The following DIP2B variants were observed in gnomAD, a reference collection of about 807,000 sequenced individuals.
DIP2B encodes the protein disco-interacting protein 2 homolog B.
A neutral mutation model predicts 198.0 loss-of-function variants in DIP2B; 76 were observed. The observed-to-expected ratio is 0.38, with a 90% CI of 0.32 to 0.46. DIP2B has a LOEUF of 0.46. DIP2B is among the 20% of genes least tolerant of loss of function. DIP2B has a pLI of 0.99. For missense variants in DIP2B, 1,559 were observed against 1,978.4 expected, an observed-to-expected ratio of 0.79 and a Z score of 4.02; for synonymous variants, 701 against 739.1, an observed-to-expected ratio of 0.95 and a Z score of 0.84.
intron 1 of DIP2B, among the ~76,000 whole-genome samples, chr12:50,552,850 G>A (rs1958438567): frequency 6.6e-6 from 1 of 151,768 alleles, no homozygotes; most frequent in Non-Finnish European, 1.5e-5. Flanking sequence ...AATCTATTTT[G>A]AGTTATTTTA....
chr12:50,517,517 C>G (rs1369181709), intron 1 of DIP2B, among the ~76,000 whole-genome samples: 1 of 152,116 alleles, frequency 6.6e-6, no homozygotes, highest in Non-Finnish European at 1.5e-5. Context: ...GTCTCTTCTC[C>G]CTTCAGTAGG....
At chr12:50,612,427 T>A (rs1317341868) in intron 1 of DIP2B, among the ~76,000 whole-genome samples, 1 of 145,794 alleles carries the variant, frequency 6.9e-6, no homozygotes, top group Admixed American at 7.2e-5. Flanking sequence ...TTTTTCATAA[T>A]AACTTTTTTT....
chr12:50,737,099 C>A lies in DIP2B; in HGVS notation c.4165C>A (p.His1389Asn), dbSNP rs368409347. 1.4e-5 allele frequency: 23 copies of A among 1,613,830 alleles called. No homozygotes were observed. Among genetic ancestry groups the A allele is most frequent in the Non-Finnish European group, 1.8e-5 (21 of 1,179,932 alleles). The part of the protein sequence containing the change: ...PETKGPVGDS[H>N]LGEIWVNSPH... Reference sequence around the variant, plus strand: ...GACCAAAGGGCCGGTTGGAGACTCTCACCTTGGAGAGGTTTGTAATAATTT... The same window carrying A: ...GACCAAAGGGCCGGTTGGAGACTCTAACCTTGGAGAGGTTTGTAATAATTT... The change falls in exon 35 of 38, where the codon CAC (histidine) becomes AAC (asparagine). Residue 1389 changes from histidine to asparagine, a missense_variant. Physicochemically the swap from His to Asn is moderately conservative, Grantham distance 68. Coordinates refer to ENST00000301180, the MANE Select transcript of DIP2B (RefSeq NM_173602.3).
chr12:50,648,954 C>CATAT (rs1271276078), intron 3 of DIP2B, among the ~76,000 whole-genome samples: 2 of 152,036 alleles, frequency 1.3e-5, no homozygotes, highest in African/African-American at 4.8e-5. Context: ...ACAACCTTAA[C>CATAT]ATATGCAAAT....
At chr12:50,714,265 A>T in intron 22 of DIP2B, 130 bp from the exon 23 acceptor site, 4 of 874,704 alleles carry the variant, frequency 4.6e-6, no homozygotes, top group South Asian at 3.4e-5. Context: ...AATCTTAGTG[A>T]TCTGCCAGAT....
intron 1 of DIP2B, among the ~76,000 whole-genome samples, chr12:50,540,910 C>T (rs530438428): frequency 3.3e-5 from 5 of 152,096 alleles, no homozygotes; most frequent in African/African-American, 1.2e-4. Context: ...TTTAAGATGC[C>T]TATATAGCAG....
chr12:50,741,372 C>T, intron 36 of DIP2B, 44 bp from the exon 37 acceptor site: 4 of 1,598,748 alleles, frequency 2.5e-6, no homozygotes, highest in Non-Finnish European at 3.4e-6. Flanking sequence ...ATGTTGCACT[C>T]AGTATATGTC....
intron 1 of DIP2B, among the ~76,000 whole-genome samples, chr12:50,521,489 C>CTTTTTTTTTTTTT (rs35971707): frequency 1.0e-5 from 1 of 98,246 alleles, no homozygotes; most frequent in South Asian, 3.4e-4. Flanking sequence ...AGGTTTCTTT[C>CTTTTTTTTTTTTT]TTTTTTTTTT....
At chr12:50,620,913 C>G (rs1241325428) in intron 1 of DIP2B, among the ~76,000 whole-genome samples, 1 of 152,192 alleles carries the variant, frequency 6.6e-6, no homozygotes, top group Non-Finnish European at 1.5e-5. Flanking sequence ...GACAGGATTC[C>G]TCACTGCAGC....
chr12:50,616,108 C>T (rs1937696515), intron 1 of DIP2B, among the ~76,000 whole-genome samples: 1 of 152,184 alleles, frequency 6.6e-6, no homozygotes, highest in Non-Finnish European at 1.5e-5. Context: ...AGGTGAAATA[C>T]CATTTGTAAG....
chr12:50,575,647 G>A (rs1425090205), intron 1 of DIP2B, among the ~76,000 whole-genome samples: 1 of 152,050 alleles, frequency 6.6e-6, no homozygotes, highest in Non-Finnish European at 1.5e-5. Context: ...GCCTCCCAAA[G>A]TGCTGGGATT....
chr12:50,518,133 C>T (rs561571391), intron 1 of DIP2B, among the ~76,000 whole-genome samples: 4 of 152,280 alleles, frequency 2.6e-5, no homozygotes, highest in Admixed American at 2.0e-4. Context: ...ACACATTTCC[C>T]ATAAGGTAGC....
rs59566626 is a variant in DIP2B at position 50,742,394 on chromosome 12, CAAAAAAAAAA to C, written c.4478+874_4478+883del. ...CCCTGGTGACAGACTGAGACTGTCT[CAAAAAAAAAA>C]AAAAAAAAAAAAAAAAAACCACCTC... On this transcript the variant is annotated intron_variant, in intron 37 of 37. Coordinates refer to ENST00000301180, the MANE Select transcript of DIP2B (RefSeq NM_173602.3). Among the ~76,000 whole-genome samples the C allele has an allele frequency of 4.4e-3, 207 of 47,476 alleles. 3 individuals carry two copies. Among genetic ancestry groups the C allele is most frequent in the Non-Finnish European group, 4.6e-3 (137 of 29,566 alleles). 31.1% of individuals were successfully genotyped at this position (47,476 alleles called of 152,430 possible). A position where few individuals can be genotyped will look rare whatever the true frequency, so the allele number is the denominator to read the frequency against.
chr12:50,589,344 G>C lies in DIP2B; in HGVS notation c.101-36632G>C, dbSNP rs892349029. On this transcript the variant is annotated intron_variant, in intron 1 of 37. Coordinates refer to ENST00000301180, the MANE Select transcript of DIP2B (RefSeq NM_173602.3). The stretch of plus-strand genomic sequence containing the variant: ...CAAGTAACTGGGATTATAGGTGCAC[G>C]CCACCACGCCCAGCTAATTTTGTTC... 3.4e-5 allele frequency among the ~76,000 whole-genome samples: 5 copies of C among 145,026 alleles called. No homozygotes were observed. The Admixed American group carries it at 3.5e-4, about 10-fold the overall frequency.
At position 50,739,911 on chromosome 12, in the gene DIP2B, T is replaced by C. The variant is rs578234581; in HGVS notation, c.4354+325T>C. ...CATCCGGGACAAGCATTACATCTTATAGCTCTTCTACCCTGCACACCACTT... is the reference window on the plus strand; with the variant it reads ...CATCCGGGACAAGCATTACATCTTACAGCTCTTCTACCCTGCACACCACTT... On this transcript the variant is annotated intron_variant, in intron 36 of 37. Transcript: ENST00000301180. Among the ~76,000 whole-genome samples the C allele has an allele frequency of 2.4e-4, 37 of 152,332 alleles. 1 individual carries two copies. Among genetic ancestry groups the C allele is most frequent in the African/African-American group, 8.4e-4 (35 of 41,580 alleles).
chr12:50,683,315 G>A, intron 10 of DIP2B, 67 bp downstream of exon 10: 1 of 1,327,164 alleles, frequency 7.5e-7, no homozygotes, highest in Non-Finnish European at 1.1e-6. Flanking sequence ...TTCTTGGATA[G>A]ATGTAGTCAC....
chr12:50,717,788 A>G (rs1428280337), intron 23 of DIP2B, among the ~76,000 whole-genome samples: 1 of 146,170 alleles, frequency 6.8e-6, no homozygotes, highest in East Asian at 2.1e-4. Context: ...GGGTTTTGCC[A>G]TGTTGCCCAG....
At chr12:50,744,452 G>T in intron 37 of DIP2B, 135 bp from the exon 38 acceptor site, 1 of 1,159,252 alleles carries the variant, frequency 8.6e-7, no homozygotes. Flanking sequence ...TGTCATATAT[G>T]GTAGACATGA....
chr12:50,547,032 T>G (rs1357007608), intron 1 of DIP2B, among the ~76,000 whole-genome samples: 1 of 152,222 alleles, frequency 6.6e-6, no homozygotes, highest in Non-Finnish European at 1.5e-5. Context: ...TTTTACTCCC[T>G]TCTTTTTTGA....
Sources: allele counts gnomAD v4.1 joint callset (sites outside exome capture counted in the v4.1 genomes callset), GRCh38; gene constraint gnomAD v4.1.1; transcripts MANE v1.5; gene names NCBI Gene and HGNC (gene_info 2026-07-23, HGNC 2026-07-21).